Variants in DNAH17 observed in about 807,000 individuals in gnomAD.
The protein encoded by DNAH17 is dynein axonemal heavy chain 17.
In DNAH17, 376 loss-of-function variants were observed where a neutral mutation model predicts 485.6. That is an observed-to-expected ratio of 0.77 (90% CI 0.71 to 0.84). DNAH17 has a LOEUF of 0.84. DNAH17 is among the 40% of genes least tolerant of loss of function. DNAH17 has a pLI of 0.00. For missense variants in DNAH17, 6,370 were observed against 5,839.3 expected (o/e 1.09, Z -2.96); for synonymous variants, 3,031 against 2,405.9 (o/e 1.26, Z -7.60).
At chr17:78,530,070 C>T (rs1331712926) in intron 21 of DNAH17, among the ~76,000 whole-genome samples, 1 of 152,256 alleles carries the variant, frequency 6.6e-6, no homozygotes, top group South Asian at 2.1e-4. Context: ...TCAGCGCCAG[C>T]CTTCCCTGAC....
chr17:78,528,083 A>T (rs570822097), intron 22 of DNAH17, among the ~76,000 whole-genome samples: 1 of 151,952 alleles, frequency 6.6e-6, no homozygotes, highest in East Asian at 1.9e-4. Context: ...CGGGCCATAA[A>T]ATATTTTAAA....
chr17:78,548,046 G>A (rs1198842858), intron 16 of DNAH17, among the ~76,000 whole-genome samples: 2 of 152,038 alleles, frequency 1.3e-5, no homozygotes, highest in African/African-American at 2.4e-5. Context: ...TATATCCACT[G>A]TTACACAGCA....
intron 34 of DNAH17, 127 bp downstream of exon 34, chr17:78,501,615 T>A (rs2090292958): frequency 1.5e-6 from 2 of 1,376,768 alleles, no homozygotes. Flanking sequence ...AGGAGGCAGC[T>A]GCAGCCAGCA....
At chr17:78,544,032 C>A (rs1278459861) in intron 16 of DNAH17, 35 bp from the exon 17 acceptor site, 1 of 1,612,914 alleles carries the variant, frequency 6.2e-7, no homozygotes, top group South Asian at 1.1e-5. Flanking sequence ...AAAAGGTGTT[C>A]TGGAGAAACT....
intron 19 of DNAH17, among the ~76,000 whole-genome samples, chr17:78,534,689 A>T (rs2091326421): frequency 6.6e-6 from 1 of 152,180 alleles, no homozygotes; most frequent in African/African-American, 2.4e-5. Context: ...CCCAGGTGGG[A>T]TCCAAGTTCC....
chr17:78,466,162 GTGTCCACTCA>G (rs1477843499), intron 56 of DNAH17, among the ~76,000 whole-genome samples: 3 of 152,238 alleles, frequency 2.0e-5, no homozygotes, highest in Non-Finnish European at 4.4e-5. Flanking sequence ...AACATGTGCT[GTGTCCACTCA>G]GGGTTGAATG....
chr17:78,533,513 G>A (rs893657349), intron 19 of DNAH17, among the ~76,000 whole-genome samples: 5 of 152,168 alleles, frequency 3.3e-5, no homozygotes, highest in Non-Finnish European at 2.9e-5. Context: ...AGAGCAGAGA[G>A]CACGAGAGGC....
intron 48 of DNAH17, among the ~76,000 whole-genome samples, chr17:78,482,267 C>A (rs1026406321): frequency 6.6e-6 from 1 of 151,978 alleles, no homozygotes; most frequent in Non-Finnish European, 1.5e-5. Context: ...TTCAAGTGAT[C>A]CTCCTGCCTC....
intron 14 of DNAH17, among the ~76,000 whole-genome samples, chr17:78,556,773 G>A (rs781105328): frequency 2.6e-5 from 4 of 152,114 alleles, no homozygotes; most frequent in South Asian, 2.1e-4. Context: ...ATCAACAGAG[G>A]AATGGATAAT....
chr17:78,454,822 G>A (rs746163365), intron 63 of DNAH17, 117 bp from the exon 64 acceptor site: 15 of 843,532 alleles, frequency 1.8e-5, no homozygotes, highest in South Asian at 3.4e-5. Context: ...CCAGCAGGAC[G>A]ACCTGGGAGA....
Position 78,479,541 on chromosome 17 carries a change from C to T in DNAH17, c.7844G>A (p.Arg2615His), listed in dbSNP as rs1030627214. The T allele has an allele frequency of 2.9e-5, 46 of 1,613,378 alleles. No homozygotes were observed. Among genetic ancestry groups the T allele is most frequent in the African/African-American group, 6.7e-5 (5 of 74,920 alleles). Residue 2615 changes from arginine (R) to histidine (H), a missense_variant, in exon 50 of 81, where the codon CGC (arginine) becomes CAC (histidine). Coordinates refer to ENST00000389840, the MANE Select transcript of DNAH17 (RefSeq NM_173628.4). The part of the protein sequence containing the change: ...NTILTQHLAF[R>H]SVSMAIQRIS... ...CCTCTGGATAGCCATGGAGACCGAGCGGAAGGCCAGGTGCTGCGTCAGGAT... is the reference window on the plus strand; with the variant it reads ...CCTCTGGATAGCCATGGAGACCGAGTGGAAGGCCAGGTGCTGCGTCAGGAT...
chr17:78,441,235 A>G (rs768749282), intron 71 of DNAH17, 36 bp from the exon 72 acceptor site: 34 of 1,610,812 alleles, frequency 2.1e-5, no homozygotes, highest in Non-Finnish European at 2.9e-5. Context: ...GCGGAACCTG[A>G]GGCTCTGGGC....
chr17:78,555,738 A>T (rs1052683970), intron 14 of DNAH17, among the ~76,000 whole-genome samples: 4 of 152,062 alleles, frequency 2.6e-5, no homozygotes, highest in Non-Finnish European at 5.9e-5. Flanking sequence ...TTGTTTCTGG[A>T]TGAGATAAGC....
intron 37 of DNAH17, among the ~76,000 whole-genome samples, chr17:78,498,518 C>T (rs1008255192): frequency 6.6e-6 from 1 of 152,202 alleles, no homozygotes; most frequent in Non-Finnish European, 1.5e-5. Flanking sequence ...GGCGCTGGCC[C>T]AGGCTGCTCC....
intron 30 of DNAH17, among the ~76,000 whole-genome samples, chr17:78,506,140 A>ATTTTTTT (rs66859821): frequency 1.6e-5 from 2 of 128,286 alleles, no homozygotes; most frequent in Non-Finnish European, 3.2e-5. Flanking sequence ...CACCTAGTTA[A>ATTTTTTT]TTTTTTTTTT....
At position 78,485,304 on chromosome 17, in the gene DNAH17, A is replaced by T. The variant is rs1041582425; in HGVS notation, c.7483+246T>A. The T allele has an allele frequency of 3.4e-4, 209 of 613,770 alleles. 1 individual carries two copies. Among genetic ancestry groups the T allele is most frequent in the African/African-American group, 3.1e-3 (166 of 53,490 alleles). The allele number at this position is 613,770 out of a possible 1,614,324, so 38.0% of individuals were successfully genotyped here. A position where few individuals can be genotyped will look rare whatever the true frequency, so the allele number is the denominator to read the frequency against. ...AGATTGGCTGAGACACTCCCGGGGGACCTGCTGCCTCGACTGGCCATCAAA... is the reference window on the plus strand; with the variant it reads ...AGATTGGCTGAGACACTCCCGGGGGTCCTGCTGCCTCGACTGGCCATCAAA... On this transcript the variant is annotated intron_variant, in intron 47 of 80. Transcript: ENST00000389840.
In DNAH17 at chr17:78,439,303, A is replaced by G. The variant is rs554459482; in HGVS notation, c.11678-86T>C. On this transcript the variant is annotated intron_variant, in intron 72 of 80. Coordinates refer to ENST00000389840, the MANE Select transcript of DNAH17 (RefSeq NM_173628.4). ...TGTGATCTACAGCCAGGAATTCCAC[A>G]TGCCTCCCTCATTTAGTTTCGGTGG... 7.1e-4 allele frequency: 1,011 copies of G among 1,426,948 alleles called. 1 individual carries two copies. The highest frequency in any genetic ancestry group is 8.7e-4 in the Non-Finnish European group (929 of 1,068,340). The allele number at this position is 1,426,948 out of a possible 1,614,324, so 88.4% of individuals were successfully genotyped here.
At position 78,552,727 on chromosome 17, in the gene DNAH17, C is replaced by G. The variant is rs375808913; in HGVS notation, c.2257G>C (p.Ala753Pro). 3.7e-6 allele frequency: 6 copies of G among 1,613,770 alleles called. No individual in the cohort carries two copies. Among genetic ancestry groups the G allele is most frequent in the Non-Finnish European group, 5.1e-6 (6 of 1,179,748 alleles). ...CCATTCCAGAATAATGTCGTTTCAG[C>G]GCTCAATAACTTGACATCAATTGCT... Reference protein sequence around the residue: ...LEAIDVKLLSAETTLFWNGEG... With the variant: ...LEAIDVKLLSPETTLFWNGEG... The change falls in exon 15 of 81, where the codon GCT (alanine) becomes CCT (proline). Residue 753 changes from alanine to proline, a missense_variant. By Grantham distance (27) the Ala-to-Pro change is conservative. Transcript: ENST00000389840.
intron 51 of DNAH17, among the ~76,000 whole-genome samples, chr17:78,478,232 T>C (rs1320711386): frequency 2.1e-3 from 126 of 58,690 alleles, no homozygotes; most frequent in African/African-American, 4.2e-3. Context: ...CACATCACCA[T>C]CACCACCATC....
Sources: gnomAD v4.1 joint callset for allele counts (sites outside exome capture counted in the v4.1 genomes callset) on GRCh38, gnomAD v4.1.1 for gene constraint, MANE v1.5 for transcripts, NCBI Gene and HGNC (gene_info 2026-07-23, HGNC 2026-07-21) for gene names.